MAGI1: variants seen among roughly 807,000 people sequenced by gnomAD.
The protein encoded by MAGI1 is membrane-associated guanylate kinase, WW and PDZ domain-containing protein 1.
Under a neutral mutation model 139.9 loss-of-function variants are expected in MAGI1, and 58 were observed. That is an observed-to-expected ratio of 0.41 (90% confidence interval 0.34 to 0.52). The LOEUF is 0.52. Among genes scored for constraint, MAGI1 ranks in the 20% least tolerant of loss-of-function variants. The probability of loss-of-function intolerance (pLI) is 0.12; values close to 1 mark genes in which losing one functional copy is unlikely to be tolerated. For synonymous variants in MAGI1, 812 were observed against 737.9 expected (o/e 1.10, Z -1.63); for missense variants, 1,874 against 1,901.6 (o/e 0.99, Z 0.27).
chr3:65,831,358 C>A (rs1453224096), intron 1 of MAGI1, among the ~76,000 whole-genome samples: 1 of 152,192 alleles, frequency 6.6e-6, no homozygotes, highest in Non-Finnish European at 1.5e-5. Flanking sequence ...GGATGTTTTG[C>A]ATCAAAAACT....
intron 1 of MAGI1, among the ~76,000 whole-genome samples, chr3:65,805,408 G>C (rs1391586646): frequency 6.6e-6 from 1 of 152,210 alleles, no homozygotes; most frequent in East Asian, 1.9e-4. Flanking sequence ...ATGCCAGTCA[G>C]AATGGCAATT....
chr3:65,936,645 G>T (rs1430402329), intron 1 of MAGI1, among the ~76,000 whole-genome samples: 1 of 151,966 alleles, frequency 6.6e-6, no homozygotes, highest in African/African-American at 2.4e-5. Context: ...CATCAGGAAG[G>T]TGGGTACATT....
chr3:65,593,423 A>C (rs953344103), intron 2 of MAGI1, among the ~76,000 whole-genome samples: 3 of 152,180 alleles, frequency 2.0e-5, no homozygotes, highest in African/African-American at 4.8e-5. Context: ...GAGATTCTTT[A>C]ATCAGGCGAG....
chr3:65,660,764 A>G (rs886234219), intron 1 of MAGI1, among the ~76,000 whole-genome samples: 3 of 152,220 alleles, frequency 2.0e-5, no homozygotes, highest in Admixed American at 1.3e-4. Flanking sequence ...ATAATGAAAG[A>G]AGATGAAGAG....
At chr3:65,409,027 A>T (rs1945572152) in intron 12 of MAGI1, among the ~76,000 whole-genome samples, 1 of 152,234 alleles carries the variant, frequency 6.6e-6, no homozygotes. Context: ...GGGATGCACA[A>T]CTACTTTATG....
intron 12 of MAGI1, among the ~76,000 whole-genome samples, chr3:65,428,892 G>C (rs1339376953): frequency 6.6e-6 from 1 of 152,118 alleles, no homozygotes; most frequent in Non-Finnish European, 1.5e-5. Context: ...AGCCAGCTGG[G>C]AAGAGCTGGG....
chr3:65,722,761 C>T (rs2107694225), intron 1 of MAGI1, among the ~76,000 whole-genome samples: 1 of 150,096 alleles, frequency 6.7e-6, no homozygotes, highest in South Asian at 2.1e-4. Flanking sequence ...AAATTATGAA[C>T]AACGTTAGCA....
At chr3:65,456,732 G>A (rs1351276453) in intron 5 of MAGI1, among the ~76,000 whole-genome samples, 3 of 152,124 alleles carry the variant, frequency 2.0e-5, no homozygotes, top group Non-Finnish European at 4.4e-5. Flanking sequence ...TAGCTTACAT[G>A]CCTCTGGTCG....
chr3:65,522,618 G>A (rs1003874025), intron 2 of MAGI1, among the ~76,000 whole-genome samples: 2 of 152,132 alleles, frequency 1.3e-5, no homozygotes, highest in African/African-American at 2.4e-5. Context: ...CACAAATTCT[G>A]TCAATCAAGC....
rs80077022 is a variant in MAGI1 at position 65,851,135 on chromosome 3, C to A, written c.313+186861G>T. Among the ~76,000 whole-genome samples the A allele has an allele frequency of 4.5e-3, 681 of 152,172 alleles. 8 individuals are homozygous for A. Among genetic ancestry groups the A allele is most frequent in the African/African-American group, 0.016 (647 of 41,522 alleles). ...AAAAAAAAAATGCCTCATTAGAAGGCAGGGACTTAGCTTTGTTCACTGCTG... is the reference window on the plus strand; with the variant it reads ...AAAAAAAAAATGCCTCATTAGAAGGAAGGGACTTAGCTTTGTTCACTGCTG... On this transcript the variant is annotated intron_variant, in intron 1 of 22. Coordinates refer to ENST00000402939, the MANE Select transcript of MAGI1 (RefSeq NM_001033057.2).
chr3:65,395,095 G>A (rs563954156), intron 13 of MAGI1, among the ~76,000 whole-genome samples: 3 of 152,120 alleles, frequency 2.0e-5, no homozygotes, highest in African/African-American at 4.8e-5. Context: ...TGCCCTACCT[G>A]CAATAGATTT....
intron 1 of MAGI1, among the ~76,000 whole-genome samples, chr3:65,815,193 T>C (rs1401981449): frequency 6.6e-6 from 1 of 152,218 alleles, no homozygotes; most frequent in Non-Finnish European, 1.5e-5. Flanking sequence ...GAAGTTCCTT[T>C]CGTCAAAAAG....
At chr3:65,816,638 G>GAA (rs11295080) in intron 1 of MAGI1, among the ~76,000 whole-genome samples, 21 of 142,426 alleles carry the variant, frequency 1.5e-4, no homozygotes, top group Non-Finnish European at 3.1e-4. Context: ...GCTAACAGGG[G>GAA]AAAAAAAAAA....
chr3:65,650,467 C>A (rs894909159), intron 1 of MAGI1, among the ~76,000 whole-genome samples: 3 of 152,128 alleles, frequency 2.0e-5, no homozygotes, highest in Non-Finnish European at 4.4e-5. Context: ...AAGGAAGGAA[C>A]TATTGATACA....
At chr3:65,831,262 C>T (rs184156870) in intron 1 of MAGI1, among the ~76,000 whole-genome samples, 5 of 152,310 alleles carry the variant, frequency 3.3e-5, no homozygotes, top group Admixed American at 6.5e-5. Flanking sequence ...GTTTCTCCTT[C>T]GCTAAGAGCC....
chr3:65,809,461 G>A (rs1424210467), intron 1 of MAGI1, among the ~76,000 whole-genome samples: 1 of 152,160 alleles, frequency 6.6e-6, no homozygotes, highest in Non-Finnish European at 1.5e-5. Flanking sequence ...CCAAGTCAGA[G>A]GACTGGAGCC....
chr3:65,842,362 C>CT (rs10711015), intron 1 of MAGI1, among the ~76,000 whole-genome samples: 4,039 of 142,488 alleles, frequency 0.028, 172 homozygotes, highest in South Asian at 0.12. Context: ...TAAATGTGTA[C>CT]TTTTTTTTTT....
At chr3:65,565,327 T>C (rs2080563464) in intron 2 of MAGI1, among the ~76,000 whole-genome samples, 1 of 152,172 alleles carries the variant, frequency 6.6e-6, no homozygotes, top group Non-Finnish European at 1.5e-5. Flanking sequence ...CCACAATATA[T>C]AGCCAAACCT....
At chr3:65,788,543 A>G (rs890576631) in intron 1 of MAGI1, among the ~76,000 whole-genome samples, 16 of 152,182 alleles carry the variant, frequency 1.1e-4, no homozygotes, top group African/African-American at 1.7e-4. Context: ...AACACACCCC[A>G]TCACCAGCTG....
Sources: allele counts gnomAD v4.1 joint callset (sites outside exome capture counted in the v4.1 genomes callset), GRCh38; gene constraint gnomAD v4.1.1; transcripts MANE v1.5; gene names NCBI Gene and HGNC (gene_info 2026-07-23, HGNC 2026-07-21).